Variants in SSBP3 observed in about 807,000 individuals in gnomAD.
SSBP3 encodes the protein single-stranded DNA-binding protein 3.
A neutral mutation model predicts 69.6 loss-of-function variants in SSBP3; 5 were observed. The ratio of observed to expected loss-of-function variants is 0.07; its 90% CI spans 0.04 to 0.15. The LOEUF (loss-of-function observed/expected upper bound fraction) is 0.15, where lower values mean the gene tolerates loss of function less well. SSBP3 is among the 10% of genes least tolerant of loss of function. The pLI, the probability that SSBP3 is intolerant of heterozygous loss-of-function variation, is 1.00. For synonymous variants in SSBP3, 196 were observed against 193.4 expected (o/e 1.01, Z -0.11); for missense variants, 312 against 534.0 (o/e 0.58, Z 4.10).
At chr1:54,343,715 T>C (rs1385811942) in intron 4 of SSBP3, among the ~76,000 whole-genome samples, 1 of 152,194 alleles carries the variant, frequency 6.6e-6, no homozygotes, top group African/African-American at 2.4e-5. Flanking sequence ...AAACCATGGC[T>C]TCATATAACT....
intron 9 of SSBP3, among the ~76,000 whole-genome samples, chr1:54,249,570 C>T (rs1175944527): frequency 6.6e-6 from 1 of 152,028 alleles, no homozygotes; most frequent in Non-Finnish European, 1.5e-5. Flanking sequence ...TGGTGGGAGC[C>T]TGTAGTCCCA....
chr1:54,295,069 C>T lies in SSBP3; in HGVS notation c.277-13542G>A, dbSNP rs74621586. Reference sequence around the variant, plus strand: ...CCACAGAGCAAGCCCTGAGCTCATGCGGGAGGAATCCATCACCCCCAGCCT... The same window carrying T: ...CCACAGAGCAAGCCCTGAGCTCATGTGGGAGGAATCCATCACCCCCAGCCT... On this transcript the variant is annotated intron_variant, in intron 4 of 17. Coordinates refer to ENST00000610401, the Ensembl canonical transcript of SSBP3. 5.3e-5 allele frequency among the ~76,000 whole-genome samples: 8 copies of T among 152,242 alleles called. No homozygotes were observed. The South Asian group carries it at 1.0e-3, about 20-fold the overall frequency.
intron 14 of SSBP3, among the ~76,000 whole-genome samples, chr1:54,232,607 T>C (rs1463812092): frequency 6.6e-6 from 1 of 151,898 alleles, no homozygotes; most frequent in Non-Finnish European, 1.5e-5. Context: ...CTCCCCACGG[T>C]CTCCCTCTCT....
chr1:54,373,405 C>A (rs747022869), intron 4 of SSBP3, among the ~76,000 whole-genome samples: 4 of 152,112 alleles, frequency 2.6e-5, no homozygotes, highest in African/African-American at 4.8e-5. Flanking sequence ...ACGAATCCAG[C>A]CAATCTGGGC....
intron 4 of SSBP3, among the ~76,000 whole-genome samples, chr1:54,306,810 T>A (rs575422953): frequency 1.5e-4 from 23 of 152,042 alleles, no homozygotes; most frequent in East Asian, 7.7e-4. Context: ...AATAAAAAAA[T>A]TTTTTTAAAT....
In SSBP3 at chr1:54,251,945, C is replaced by T. The variant is rs1323532234; in HGVS notation, c.508-85G>A. 5.1e-5 allele frequency: 61 copies of T among 1,189,102 alleles called. 1 individual carries two copies. The Middle Eastern group carries it at 1.1e-3, about 21-fold the overall frequency. 73.7% of individuals were successfully genotyped at this position (1,189,102 alleles called of 1,614,324 possible). ...AGGCATCTACCTGTCCCACCCAGTGCCCCGTGTGATCACGTGGAGCCACTC... is the reference window on the plus strand; with the variant it reads ...AGGCATCTACCTGTCCCACCCAGTGTCCCGTGTGATCACGTGGAGCCACTC... On this transcript the variant is annotated intron_variant, in intron 7 of 17. Transcript: ENST00000610401.
intron 4 of SSBP3, among the ~76,000 whole-genome samples, chr1:54,294,159 A>AAAAAAAAAGAAAGAAAG (rs754650225): frequency 2.3e-5 from 2 of 86,162 alleles, no homozygotes; most frequent in Non-Finnish European, 4.5e-5. Flanking sequence ...AAAAAAAAAA[A>AAAAAAAAAGAAAGAAAG]AAAGAAAGAA....
At chr1:54,406,732 C>T (rs908698285), upstream of SSBP3, among the ~76,000 whole-genome samples, 1 of 151,968 alleles carries the variant, frequency 6.6e-6, no homozygotes, top group Non-Finnish European at 1.5e-5. Context: ...GCGTGGACCA[C>T]TGGGGGGCTA....
In SSBP3 at chr1:54,229,568, C is replaced by T. The variant is rs116281347; in HGVS notation, c.928-742G>A. Among the ~76,000 whole-genome samples the T allele has an allele frequency of 3.5e-3, 531 of 152,148 alleles. 4 individuals carry two copies. The highest frequency in any genetic ancestry group is 0.012 in the African/African-American group (510 of 41,498). On this transcript the variant is annotated intron_variant, in intron 14 of 17. Transcript: ENST00000610401. ...GAACTGTTGGTGTGGCAGATGAGGGCTTGGAGATAAGAGTCGATTCTACCC... is the reference window on the plus strand; with the variant it reads ...GAACTGTTGGTGTGGCAGATGAGGGTTTGGAGATAAGAGTCGATTCTACCC...
chr1:54,369,410 T>C (rs1647088801), intron 4 of SSBP3, among the ~76,000 whole-genome samples: 1 of 151,978 alleles, frequency 6.6e-6, no homozygotes, highest in Admixed American at 6.6e-5. Flanking sequence ...GCTAGGTGGA[T>C]GGATAAAAAG....
Position 54,405,812 on chromosome 1 carries a change from G to C in SSBP3, c.56+141C>G, listed in dbSNP as rs1570082130. On this transcript the variant is annotated intron_variant, in intron 1 of 17. Coordinates refer to ENST00000610401, the Ensembl canonical transcript of SSBP3. ...CCGCCCGCCGCGGCCTCGGGGAAGG[G>C]GCCAGGCAGGCGGCGCCTGGACCCG... The C allele has an allele frequency of 9.5e-6, 4 of 423,026 alleles. No individual in the cohort carries two copies. The East Asian group carries it at 4.0e-4, about 42-fold the overall frequency. The allele number at this position is 423,026 out of a possible 1,614,324, so 26.2% of individuals were successfully genotyped here. A position where few individuals can be genotyped will look rare whatever the true frequency, so the allele number is the denominator to read the frequency against.
chr1:54,301,441 T>A (rs1328276103), intron 4 of SSBP3, among the ~76,000 whole-genome samples: 4 of 152,192 alleles, frequency 2.6e-5, no homozygotes, highest in East Asian at 1.9e-4. Flanking sequence ...CCCACTTTTG[T>A]GAGGTCTCAA....
intron 4 of SSBP3, among the ~76,000 whole-genome samples, chr1:54,355,666 A>G (rs1646851850): frequency 6.6e-6 from 1 of 152,178 alleles, no homozygotes; most frequent in African/African-American, 2.4e-5. Context: ...CCAAATTCAG[A>G]GAGCTCCCCT....
At chr1:54,384,799 T>C (rs1647956078) in intron 4 of SSBP3, among the ~76,000 whole-genome samples, 1 of 152,198 alleles carries the variant, frequency 6.6e-6, no homozygotes. Flanking sequence ...AATATTCCGT[T>C]AAGTCCCTCT....
chr1:54,252,341 A>C (rs1385280643), intron 7 of SSBP3, among the ~76,000 whole-genome samples: 1 of 152,190 alleles, frequency 6.6e-6, no homozygotes, highest in Non-Finnish European at 1.5e-5. Context: ...CTAAAATCCT[A>C]TCGCTGTGGG....
At chr1:54,235,448 ATTTTTTTT>A (rs71580002) in intron 14 of SSBP3, among the ~76,000 whole-genome samples, 135 of 69,922 alleles carry the variant, frequency 1.9e-3, no homozygotes, top group Middle Eastern at 9.8e-3. Context: ...TGCCCGGCTG[ATTTTTTTT>A]TTTTTTTTTT....
chr1:54,363,379 G>A (rs1267123952), intron 4 of SSBP3, among the ~76,000 whole-genome samples: 2 of 152,042 alleles, frequency 1.3e-5, no homozygotes, highest in Admixed American at 6.5e-5. Context: ...TTCTTCACCT[G>A]GAGAAAAAGT....
At position 54,404,649 on chromosome 1, in the gene SSBP3, A is replaced by G; in HGVS notation, c.130-12T>C. 1.2e-6 allele frequency: 2 copies of G among 1,613,942 alleles called. No individual in the cohort carries two copies. Among genetic ancestry groups the G allele is most frequent in the South Asian group, 2.2e-5 (2 of 91,082 alleles). Reference sequence around the variant, plus strand: ...TTTTCCCATCGAATCTGGAAAGGTAAGAGCAGAAGCAGCTTAGAGGAGCAG... The same window carrying G: ...TTTTCCCATCGAATCTGGAAAGGTAGGAGCAGAAGCAGCTTAGAGGAGCAG... On this transcript the variant is annotated splice_polypyrimidine_tract_variant and intron_variant, in intron 2 of 17. Transcript: ENST00000610401.
chr1:54,412,944 G>C (rs1557603796), intron 1 of SSBP3: 1 of 152,150 alleles, frequency 6.6e-6, no homozygotes, highest in Non-Finnish European at 1.5e-5. Context: ...CAAAACTCCT[G>C]ACCTCGTGAT....
Sources: allele counts gnomAD v4.1 joint callset (sites outside exome capture counted in the v4.1 genomes callset), GRCh38; gene constraint gnomAD v4.1.1; transcripts MANE v1.5; gene names NCBI Gene and HGNC (gene_info 2026-07-23, HGNC 2026-07-21).